Variants in TRPM1 observed in about 807,000 individuals in gnomAD.
The protein encoded by TRPM1 is transient receptor potential cation channel subfamily M member 1.
Under a neutral mutation model 149.4 loss-of-function variants are expected in TRPM1, and 113 were observed. That is an observed-to-expected ratio of 0.76 (90% CI 0.65 to 0.88). The LOEUF (loss-of-function observed/expected upper bound fraction) is 0.88. TRPM1 is among the 40% of genes least tolerant of loss of function. TRPM1 has a pLI of 0.00. For synonymous variants in TRPM1, 741 were observed against 759.5 expected, an observed-to-expected ratio of 0.98 and a Z score of 0.40; for missense variants, 1,976 against 2,038.7, an observed-to-expected ratio of 0.97 and a Z score of 0.59.
chr15:31,079,031 G>C (rs1254223529), intron 2 of TRPM1, among the ~76,000 whole-genome samples: 1 of 152,192 alleles, frequency 6.6e-6, no homozygotes, highest in African/African-American at 2.4e-5. Flanking sequence ...TACAAATATG[G>C]AAAGTGGGGA....
rs202031791 is a variant in TRPM1 at position 31,063,260 on chromosome 15, C to A, written c.823G>T (p.Val275Leu). 1.2e-6 allele frequency: 2 copies of A among 1,614,170 alleles called. No individual in the cohort carries two copies. Among genetic ancestry groups the A allele is most frequent in the South Asian group, 2.2e-5 (2 of 91,084 alleles). ...LGQGVPLVGL[V>L]VEGGPNVVSI... ...ACCACGTTAGGGCCCCCCTCCACCACGAGACCCACGAGGGGCACGCCCTGC... is the reference window on the plus strand; with the variant it reads ...ACCACGTTAGGGCCCCCCTCCACCAAGAGACCCACGAGGGGCACGCCCTGC... Residue 275 changes from valine to leucine, a missense_variant, in exon 8 of 28, where the codon GTG (valine) becomes TTG (leucine). Val to Leu is a conservative substitution (Grantham distance 32). Coordinates refer to ENST00000256552, the MANE Select transcript of TRPM1 (RefSeq NM_001252024.2).
At chr15:31,026,425 G>A (rs992557293) in intron 26 of TRPM1, 154 bp from the exon 27 acceptor site, 3 of 979,764 alleles carry the variant, frequency 3.1e-6, no homozygotes, top group Non-Finnish European at 4.7e-6. Context: ...TATCTAAAAA[G>A]GGGTTGTCAT....
intron 18 of TRPM1, among the ~76,000 whole-genome samples, chr15:31,039,656 C>T (rs2033547537): frequency 6.6e-6 from 1 of 152,204 alleles, no homozygotes; most frequent in Non-Finnish European, 1.5e-5. Flanking sequence ...TTCCTATTTT[C>T]TTGTAATTTT....
rs2034856491 is a variant in TRPM1 at position 31,081,452 on chromosome 15, CAA to C, written c.-83-16_-83-15del. 1 of 1,513,372 alleles carries C rather than the reference CAA, an allele frequency of 6.6e-7. No individual in the cohort carries two copies. Among genetic ancestry groups the C allele is most frequent in the Non-Finnish European group, 8.9e-7 (1 of 1,128,788 alleles). The allele number at this position is 1,513,372 out of a possible 1,614,324, so 93.7% of individuals were successfully genotyped here. A position where few individuals can be genotyped will look rare whatever the true frequency, so the allele number is the denominator to read the frequency against. On this transcript the variant is annotated splice_polypyrimidine_tract_variant and intron_variant, in intron 1 of 27. Coordinates refer to ENST00000256552, the MANE Select transcript of TRPM1 (RefSeq NM_001252024.2). ...ATCTTCTAGAACCTACGAGGATAAA[CAA>C]GAGGAGTAAGAGTCACTTTGCCTGC...
intron 11 of TRPM1, among the ~76,000 whole-genome samples, chr15:31,058,201 T>C (rs926548479): frequency 6.7e-6 from 1 of 149,906 alleles, no homozygotes. Flanking sequence ...AAAAAAAGAA[T>C]AGATACAGCA....
rs762208610 is a variant in TRPM1, at chr15:31,040,354, G to A, written c.2088-8C>T. 6.4e-5 allele frequency: 103 copies of A among 1,612,844 alleles called. No individual in the cohort carries two copies. Among genetic ancestry groups the A allele is most frequent in the Middle Eastern group, 1.6e-4 (1 of 6,084 alleles). The stretch of plus-strand genomic sequence containing the variant: ...GCAAGCTGGCCGAAGTCTCTGGGGG[G>A]AAAGAGAAGGGACCAGGGTGAAGCC... On this transcript the variant is annotated splice_region_variant and splice_polypyrimidine_tract_variant and intron_variant, in intron 17 of 27. Coordinates refer to ENST00000256552, the MANE Select transcript of TRPM1 (RefSeq NM_001252024.2). The surrounding 1 kb of genome is among the most constrained non-coding windows in gnomAD (Gnocchi z 4.2).
At position 31,040,339 on chromosome 15, in the gene TRPM1, C is replaced by T. The variant is rs375582184; in HGVS notation, c.2095G>A (p.Gly699Ser). ...QDLDNNSKDF[G>S]QLALELLDQS... The stretch of plus-strand genomic sequence containing the variant: ...TCTAATAACTCCAAAGCAAGCTGGC[C>T]GAAGTCTCTGGGGGGAAAGAGAAGG... Residue 699 changes from glycine to serine, a missense_variant, in exon 18 of 28, where the codon GGC becomes AGC. Physicochemically the swap from Gly to Ser is moderately conservative, Grantham distance 56 (BLOSUM62 0). Coordinates refer to ENST00000256552, the MANE Select transcript of TRPM1 (RefSeq NM_001252024.2). The surrounding 1 kb of genome is among the most constrained non-coding windows in gnomAD (Gnocchi z 4.2). 3.8e-5 allele frequency: 62 copies of T among 1,614,126 alleles called. No individual in the cohort carries two copies. The African/African-American group carries it at 4.7e-4, about 12-fold the overall frequency.
At chr15:31,158,394 G>A (rs1258744410) in intron 1 of TRPM1, among the ~76,000 whole-genome samples, 2 of 152,018 alleles carry the variant, frequency 1.3e-5, no homozygotes, top group African/African-American at 2.4e-5. Context: ...TTAGGAGGCC[G>A]GAGCGGGCAG....
At chr15:31,127,852 C>T (rs534413703) in intron 1 of TRPM1, among the ~76,000 whole-genome samples, 5 of 152,230 alleles carry the variant, frequency 3.3e-5, no homozygotes, top group South Asian at 2.1e-4. Context: ...AACAAGGACG[C>T]GAACCAGTGG....
intron 1 of TRPM1, among the ~76,000 whole-genome samples, chr15:31,148,609 A>C (rs1275223836): frequency 6.6e-6 from 1 of 152,214 alleles, no homozygotes; most frequent in Non-Finnish European, 1.5e-5. Context: ...CTCACCACGA[A>C]GAATGAAGAG....
At chr15:31,003,102 C>A (rs1424128509) in intron 27 of TRPM1, 32 bp from the exon 28 acceptor site, 7 of 1,568,980 alleles carry the variant, frequency 4.5e-6, no homozygotes, top group Non-Finnish European at 5.2e-6. Context: ...ATTTATTAAA[C>A]TGAGATTAAG....
chr15:31,150,180 C>A (rs1013950576), intron 1 of TRPM1, among the ~76,000 whole-genome samples: 3 of 152,168 alleles, frequency 2.0e-5, no homozygotes, highest in Non-Finnish European at 4.4e-5. Context: ...AGGGTTTCTT[C>A]TATAGGTGAC....
At chr15:31,141,120 C>T (rs891777561) in intron 1 of TRPM1, among the ~76,000 whole-genome samples, 1 of 152,056 alleles carries the variant, frequency 6.6e-6, no homozygotes, top group Non-Finnish European at 1.5e-5. Flanking sequence ...GCATGAGCCA[C>T]CATACCTGGC....
chr15:31,160,805 A>G (rs2036434624), intron 1 of TRPM1: 2 of 1,332,694 alleles, frequency 1.5e-6, no homozygotes, highest in Non-Finnish European at 1.0e-6. Flanking sequence ...TTGGGAGGAC[A>G]GGACCCGCTG....
chr15:31,150,306 A>T (rs548144252), intron 1 of TRPM1, among the ~76,000 whole-genome samples: 1 of 152,150 alleles, frequency 6.6e-6, no homozygotes, highest in Non-Finnish European at 1.5e-5. Context: ...GGAGCTGGGC[A>T]TGCCCTCAGG....
At chr15:31,126,025 G>A (rs1438040397) in intron 1 of TRPM1, among the ~76,000 whole-genome samples, 5 of 151,754 alleles carry the variant, frequency 3.3e-5, no homozygotes, top group African/African-American at 7.3e-5. Context: ...CCAGCTACTC[G>A]GGAGGCTGAG....
chr15:31,089,218 C>T (rs765220381), intron 1 of TRPM1, among the ~76,000 whole-genome samples: 1 of 152,190 alleles, frequency 6.6e-6, no homozygotes, highest in African/African-American at 2.4e-5. Flanking sequence ...TCGTAATTCT[C>T]TGACCATGTG....
intron 27 of TRPM1, 102 bp downstream of exon 27, chr15:31,026,037 C>A (rs1566995705): frequency 9.9e-6 from 15 of 1,509,270 alleles, no homozygotes; most frequent in Non-Finnish European, 1.4e-5. Flanking sequence ...CAGGAGAACT[C>A]GGAGTGCATG....
At chr15:31,130,414 A>C (rs2036002245) in intron 1 of TRPM1, among the ~76,000 whole-genome samples, 1 of 152,224 alleles carries the variant, frequency 6.6e-6, no homozygotes, top group Admixed American at 6.5e-5. Context: ...CTTAGTTTAT[A>C]GTTTAACTTT....
Sources: allele counts gnomAD v4.1 joint callset (sites outside exome capture counted in the v4.1 genomes callset), GRCh38; gene constraint gnomAD v4.1.1; non-coding constraint Gnocchi (gnomAD v3.1); transcripts MANE v1.5; gene names NCBI Gene and HGNC (gene_info 2026-07-23, HGNC 2026-07-21).